PIGK: variants seen among roughly 807,000 people sequenced by gnomAD.
PIGK encodes GPI-anchor transamidase.
In PIGK, 42 loss-of-function variants were observed where a neutral mutation model predicts 50.6. The observed-to-expected ratio is 0.83, with a 90% CI of 0.65 to 1.07. The LOEUF is 1.07. Among genes scored for constraint, PIGK ranks in the 50% least tolerant of loss-of-function variants. The pLI is 0.00. For synonymous variants in PIGK, 151 were observed against 156.0 expected (o/e 0.97, Z 0.24); for missense variants, 448 against 488.7 (o/e 0.92, Z 0.78).
At chr1:77,186,614 T>G (rs969981706) in intron 3 of PIGK, among the ~76,000 whole-genome samples, 1 of 152,070 alleles carries the variant, frequency 6.6e-6, no homozygotes, top group Non-Finnish European at 1.5e-5. Flanking sequence ...CAGAGGAGGA[T>G]TTTAACAATC....
chr1:77,175,180 C>T (rs1655455222), intron 3 of PIGK, among the ~76,000 whole-genome samples: 1 of 152,110 alleles, frequency 6.6e-6, no homozygotes, highest in Non-Finnish European at 1.5e-5. Flanking sequence ...TCATAAACTG[C>T]TTTGACTTTT....
intron 2 of PIGK, 92 bp downstream of exon 2, chr1:77,210,344 A>C: frequency 1.5e-6 from 1 of 652,956 alleles, no homozygotes; most frequent in Non-Finnish European, 2.5e-6. Flanking sequence ...AATGTAAAAA[A>C]ATAAATTGTA....
intron 10 of PIGK, among the ~76,000 whole-genome samples, chr1:77,105,192 T>C (rs892751496): frequency 6.6e-6 from 1 of 152,028 alleles, no homozygotes; most frequent in Non-Finnish European, 1.5e-5. Flanking sequence ...AGTCAGGTTA[T>C]CTCTTCTTAA....
intron 10 of PIGK, among the ~76,000 whole-genome samples, chr1:77,116,224 C>T (rs1653959120): frequency 6.6e-6 from 1 of 152,096 alleles, no homozygotes; most frequent in South Asian, 2.1e-4. Flanking sequence ...CGCTCTGTCG[C>T]CCAGGCTGGA....
At chr1:77,098,889 T>G (rs1653480453) in intron 10 of PIGK, among the ~76,000 whole-genome samples, 1 of 152,162 alleles carries the variant, frequency 6.6e-6, no homozygotes, top group Non-Finnish European at 1.5e-5. Context: ...CACAATATAT[T>G]AAGTATTTCT....
chr1:77,164,120 T>C (rs1361220478), intron 5 of PIGK, among the ~76,000 whole-genome samples, 178 bp from the exon 6 acceptor site: 2 of 152,224 alleles, frequency 1.3e-5, no homozygotes, highest in Non-Finnish European at 2.9e-5. Flanking sequence ...AAGAGAATGA[T>C]AGACTATATA....
intron 10 of PIGK, among the ~76,000 whole-genome samples, chr1:77,104,812 G>A (rs750995037): frequency 6.6e-6 from 1 of 152,192 alleles, no homozygotes. Context: ...AAAGCTCCAT[G>A]CAAGGCCAAC....
At chr1:77,117,860 A>T (rs1264320605) in intron 10 of PIGK, among the ~76,000 whole-genome samples, 1 of 152,156 alleles carries the variant, frequency 6.6e-6, no homozygotes, top group East Asian at 1.9e-4. Flanking sequence ...TGTCATGCTT[A>T]ACTAATTTAT....
At chr1:77,216,392 T>C (rs1656566278) in intron 1 of PIGK, among the ~76,000 whole-genome samples, 1 of 152,166 alleles carries the variant, frequency 6.6e-6, no homozygotes, top group South Asian at 2.1e-4. Context: ...TAGAATATCA[T>C]TTGCTGTAGT....
intron 9 of PIGK, among the ~76,000 whole-genome samples, chr1:77,135,379 T>C (rs1311898528): frequency 6.6e-6 from 1 of 152,042 alleles, no homozygotes. Flanking sequence ...ATATACTCTA[T>C]GTACTATGTA....
intron 9 of PIGK, among the ~76,000 whole-genome samples, chr1:77,123,191 A>C (rs952187904): frequency 6.6e-6 from 1 of 152,194 alleles, no homozygotes; most frequent in Non-Finnish European, 1.5e-5. Context: ...AAAATTACTG[A>C]CCCTTTCAGA....
intron 3 of PIGK, among the ~76,000 whole-genome samples, chr1:77,200,798 G>A (rs1392953203): frequency 2.0e-5 from 3 of 152,066 alleles, no homozygotes; most frequent in African/African-American, 7.2e-5. Context: ...CCTTAAGCAA[G>A]TCATTTAACC....
At position 77,092,105 on chromosome 1, in the gene PIGK, A is replaced by G. The variant is rs1474977887; in HGVS notation, c.*269T>C. 3 of 186,794 alleles carry G rather than the reference A, an allele frequency of 1.6e-5. No individual in the cohort carries two copies. Among genetic ancestry groups the G allele is most frequent in the East Asian group, 1.3e-4 (1 of 7,684 alleles). The allele number at this position is 186,794 out of a possible 1,614,324, so 11.6% of individuals were successfully genotyped here. A position where few individuals can be genotyped will look rare whatever the true frequency, so the allele number is the denominator to read the frequency against. On this transcript the variant is annotated 3_prime_UTR_variant, in exon 11 of 11. Coordinates refer to ENST00000370812, the MANE Select transcript of PIGK (RefSeq NM_005482.3). ...GAAAAGGGGATAAGGGGAAATTACT[A>G]TTTTCAAAAACAGTCAATGTATTCT...
intron 10 of PIGK, among the ~76,000 whole-genome samples, chr1:77,110,184 C>T (rs1031745984): frequency 1.3e-5 from 2 of 152,124 alleles, no homozygotes; most frequent in Non-Finnish European, 2.9e-5. Context: ...GGCCATACTG[C>T]CCAAGGTAAT....
intron 1 of PIGK, among the ~76,000 whole-genome samples, chr1:77,213,376 A>T (rs755157505): frequency 6.6e-6 from 1 of 152,254 alleles, no homozygotes; most frequent in Non-Finnish European, 1.5e-5. Context: ...TCTTCTGACT[A>T]CAATAGAAAA....
chr1:77,133,186 C>T (rs1654417870), intron 9 of PIGK, among the ~76,000 whole-genome samples: 1 of 151,976 alleles, frequency 6.6e-6, no homozygotes, highest in Admixed American at 6.6e-5. Context: ...ATATCTCGTA[C>T]TGTTTGTTTT....
intron 8 of PIGK, among the ~76,000 whole-genome samples, chr1:77,156,307 C>T (rs1035380998): frequency 1.4e-4 from 22 of 152,102 alleles, no homozygotes; most frequent in Admixed American, 7.2e-4. Context: ...TAATATTATC[C>T]TATTCTTTGC....
chr1:77,206,727 C>A lies in PIGK; in HGVS notation c.152G>T (p.Cys51Phe). 1 of 1,596,728 alleles carries A rather than the reference C, an allele frequency of 6.3e-7. No homozygotes were observed. Residue 51 changes from cysteine to phenylalanine, a missense_variant, in exon 3 of 11, where the codon TGT becomes TTT. By Grantham distance (205) the Cys-to-Phe change is radical. Coordinates refer to ENST00000370812, the MANE Select transcript of PIGK (RefSeq NM_005482.3). ...GHTNNWAVLV[C>F]TSRFWFNYRH... Reference sequence around the variant, plus strand: ...ATAATTAAACCAGAATCGGGATGTACACACCTGAAGTATTAAAACAAAAAC... The same window carrying A: ...ATAATTAAACCAGAATCGGGATGTAAACACCTGAAGTATTAAAACAAAAAC...
Position 77,219,233 on chromosome 1 carries a change from A to C in PIGK, c.93+77T>G, listed in dbSNP as rs988004244. 48 of 1,227,852 alleles carry C rather than the reference A, an allele frequency of 3.9e-5. No homozygotes were observed. The South Asian group carries it at 5.3e-4, about 13-fold the overall frequency. 76.1% of individuals were successfully genotyped at this position (1,227,852 alleles called of 1,614,324 possible). The stretch of plus-strand genomic sequence containing the variant: ...TGATTGACTCCAGGAGGCGTCCCTC[A>C]GCTACTGTGTATCGGACATCTGCTG... On this transcript the variant is annotated intron_variant, in intron 1 of 10. Transcript: ENST00000370812.
Sources: allele counts gnomAD v4.1 joint callset (sites outside exome capture counted in the v4.1 genomes callset), GRCh38; gene constraint gnomAD v4.1.1; transcripts MANE v1.5; gene names NCBI Gene and HGNC (gene_info 2026-07-23, HGNC 2026-07-21).